The following TEAD1 variants were observed in gnomAD, a reference collection of about 807,000 sequenced individuals.
TEAD1 encodes the protein TEA domain transcription factor 1.
TEAD1 carries 9 observed loss-of-function variants against 54.9 expected under a neutral mutation model. The ratio of observed to expected loss-of-function variants is 0.16; its 90% confidence interval spans 0.10 to 0.29. TEAD1 has a LOEUF of 0.29. Among genes scored for constraint, TEAD1 ranks in the 10% least tolerant of loss-of-function variants. The probability of loss-of-function intolerance (pLI) is 1.00; values close to 1 mark genes in which losing one functional copy is unlikely to be tolerated. For missense variants in TEAD1, 387 were observed against 535.9 expected (o/e 0.72, Z 2.74); for synonymous variants, 200 against 187.8 (o/e 1.07, Z -0.53).
intron 2 of TEAD1, among the ~76,000 whole-genome samples, chr11:12,763,827 T>C (rs1265864799): frequency 1.3e-5 from 2 of 152,212 alleles, no homozygotes; most frequent in Non-Finnish European, 2.9e-5. Context: ...CAACTCCGAG[T>C]GAGTACCATT....
chr11:12,701,672 G>A lies in TEAD1; in HGVS notation c.-55+26111G>A, dbSNP rs556018822. Among the ~76,000 whole-genome samples, 454 of 152,284 alleles carry A rather than the reference G, an allele frequency of 3.0e-3. 2 individuals carry two copies. Among genetic ancestry groups the A allele is most frequent in the Non-Finnish European group, 3.7e-3 (254 of 68,030 alleles). Reference sequence around the variant, plus strand: ...TTCAGAGAAGAAAAACTGCAGGCTAGTGGGAAAAGGGAGTTGTGTTAAGGG... The same window carrying A: ...TTCAGAGAAGAAAAACTGCAGGCTAATGGGAAAAGGGAGTTGTGTTAAGGG... On this transcript the variant is annotated intron_variant, in intron 2 of 12. Transcript: ENST00000527636.
intron 3 of TEAD1, among the ~76,000 whole-genome samples, chr11:12,862,035 A>G (rs1686142919): frequency 7.0e-6 from 1 of 142,320 alleles, no homozygotes; most frequent in Admixed American, 7.2e-5. Flanking sequence ...CTATTCTTAG[A>G]TGCTGGTCTA....
rs865940961 is a variant in TEAD1, at chr11:12,933,561, T to G, written c.1167+3235T>G. On this transcript the variant is annotated intron_variant, in intron 12 of 12. Transcript: ENST00000527636. ...TTTCTAAAATTTTTATTATTTTTAT[T>G]ATGTCTTTTTTCGTCCCCAAATATT... Among the ~76,000 whole-genome samples, 21 of 152,332 alleles carry G rather than the reference T, an allele frequency of 1.4e-4. No individual in the cohort carries two copies. In the Middle Eastern group the frequency reaches 0.014, roughly 99 times the overall value.
At chr11:12,680,976 G>C (rs1423176372) in intron 2 of TEAD1, among the ~76,000 whole-genome samples, 1 of 152,086 alleles carries the variant, frequency 6.6e-6, no homozygotes, top group Non-Finnish European at 1.5e-5. Context: ...TGTGGCTGGG[G>C]GTGTCTTGGG....
At chr11:12,931,982 G>A (rs1229461934) in intron 12 of TEAD1, among the ~76,000 whole-genome samples, 1 of 152,170 alleles carries the variant, frequency 6.6e-6, no homozygotes, top group Non-Finnish European at 1.5e-5. Context: ...TGCTGTAAGA[G>A]ATTGGGAAAT....
intron 2 of TEAD1, among the ~76,000 whole-genome samples, chr11:12,756,354 C>T (rs1564929613): frequency 6.6e-6 from 1 of 152,182 alleles, no homozygotes; most frequent in Non-Finnish European, 1.5e-5. Context: ...TCTGCCCTGT[C>T]TCTGACAATG....
intron 2 of TEAD1, among the ~76,000 whole-genome samples, chr11:12,699,872 T>A (rs560743451): frequency 3.3e-5 from 5 of 152,340 alleles, no homozygotes; most frequent in African/African-American, 1.2e-4. Flanking sequence ...TATTGTGCAG[T>A]CTTTTGGGGG....
At chr11:12,701,802 G>C (rs1383625163) in intron 2 of TEAD1, among the ~76,000 whole-genome samples, 1 of 152,122 alleles carries the variant, frequency 6.6e-6, no homozygotes, top group Non-Finnish European at 1.5e-5. Flanking sequence ...TCCTTTTGAA[G>C]CTAAAATAAA....
intron 3 of TEAD1, among the ~76,000 whole-genome samples, chr11:12,809,418 A>T (rs559917731): frequency 6.6e-6 from 1 of 152,180 alleles, no homozygotes; most frequent in Admixed American, 6.5e-5. Flanking sequence ...AAGATGCTGC[A>T]TTTCACTCAT....
intron 3 of TEAD1, among the ~76,000 whole-genome samples, chr11:12,807,110 A>G (rs544270401): frequency 1.3e-5 from 2 of 152,352 alleles, no homozygotes; most frequent in African/African-American, 4.8e-5. Flanking sequence ...AGTTTTCACA[A>G]TAAAATCCCC....
intron 9 of TEAD1, among the ~76,000 whole-genome samples, chr11:12,894,250 C>T (rs1377086689): frequency 6.6e-6 from 1 of 152,164 alleles, no homozygotes; most frequent in Non-Finnish European, 1.5e-5. Context: ...TAGGAAAAGA[C>T]TGCCATCTTC....
intron 2 of TEAD1, among the ~76,000 whole-genome samples, chr11:12,760,681 A>G (rs75764003): frequency 0.064 from 9,765 of 152,156 alleles, 992 homozygotes; most frequent in African/African-American, 0.22. Context: ...AATCGAGGTA[A>G]TTTGCGTGAC....
chr11:12,737,461 C>T lies in TEAD1; in HGVS notation c.-54-26718C>T, dbSNP rs571118356. 3.3e-5 allele frequency among the ~76,000 whole-genome samples: 5 copies of T among 152,312 alleles called. No individual in the cohort carries two copies. The South Asian group carries it at 1.0e-3, about 32-fold the overall frequency. ...TTACTGATGGAGAATTCCCAGACAG[C>T]TCACAAGCAAGTGTGTGTCCTCTAC... On this transcript the variant is annotated intron_variant, in intron 2 of 12. Transcript: ENST00000527636.
chr11:12,881,636 T>C (rs1947970601), intron 7 of TEAD1, among the ~76,000 whole-genome samples: 1 of 152,236 alleles, frequency 6.6e-6, no homozygotes, highest in Non-Finnish European at 1.5e-5. Flanking sequence ...CAAAGGCAGA[T>C]GCCACAGCAC....
intron 2 of TEAD1, among the ~76,000 whole-genome samples, chr11:12,732,203 C>T (rs1944438273): frequency 6.6e-6 from 1 of 152,108 alleles, no homozygotes; most frequent in Non-Finnish European, 1.5e-5. Flanking sequence ...TATCATCCTT[C>T]ATAGTCACTA....
intron 3 of TEAD1, among the ~76,000 whole-genome samples, chr11:12,804,722 C>G (rs952485845): frequency 6.6e-6 from 1 of 152,260 alleles, no homozygotes; most frequent in East Asian, 1.9e-4. Flanking sequence ...TTCCTTCCTT[C>G]GCTCCCTGCC....
chr11:12,800,490 T>C (rs1590164507), intron 3 of TEAD1, among the ~76,000 whole-genome samples: 1 of 152,160 alleles, frequency 6.6e-6, no homozygotes, highest in Non-Finnish European at 1.5e-5. Flanking sequence ...AACACAGCGA[T>C]GGTTCCTGCT....
At chr11:12,901,213 G>A (rs1948420985) in intron 9 of TEAD1, among the ~76,000 whole-genome samples, 1 of 152,148 alleles carries the variant, frequency 6.6e-6, no homozygotes, top group Admixed American at 6.6e-5. Flanking sequence ...CCAAAGCAAG[G>A]GGAAGAAAAG....
intron 5 of TEAD1, among the ~76,000 whole-genome samples, chr11:12,874,387 A>T (rs1202217269): frequency 6.6e-6 from 1 of 152,160 alleles, no homozygotes. Context: ...TGCATTTGTG[A>T]TATTGCTGTC....
Sources: allele counts gnomAD v4.1 joint callset (sites outside exome capture counted in the v4.1 genomes callset), GRCh38; gene constraint gnomAD v4.1.1; transcripts MANE v1.5; gene names NCBI Gene and HGNC (gene_info 2026-07-23, HGNC 2026-07-21).